The following ASAP1 variants were observed in gnomAD, a reference collection of about 807,000 sequenced individuals.
ASAP1 encodes arf-GAP with SH3 domain, ANK repeat and PH domain-containing protein 1.
A neutral mutation model predicts 145.2 loss-of-function variants in ASAP1; 43 were observed. The ratio of observed to expected loss-of-function variants is 0.30; its 90% CI spans 0.23 to 0.38. ASAP1 has a LOEUF of 0.38. Among genes scored for constraint, ASAP1 ranks in the 10% least tolerant of loss-of-function variants. The pLI, the probability that ASAP1 is intolerant of heterozygous loss-of-function variation, is 1.00. For synonymous variants in ASAP1, 546 were observed against 515.5 expected (o/e 1.06, Z -0.80); for missense variants, 1,018 against 1,355.3 (o/e 0.75, Z 3.91).
rs748413991 is a variant in ASAP1, at chr8:130,137,027, T to C, written c.1092A>G (p.Gln364=). The C allele has an allele frequency of 6.8e-6, 11 of 1,614,118 alleles. No homozygotes were observed. Among genetic ancestry groups the C allele is most frequent in the Admixed American group, 6.7e-5 (4 of 60,012 alleles). The change falls in exon 14 of 30, where the codon CAA becomes CAG. Residue 364 remains glutamine (Q), a synonymous_variant. Coordinates refer to ENST00000518721, the MANE Select transcript of ASAP1 (RefSeq NM_018482.4). ...AGGTGAGAAGGTTCAACTTGGCTGG[T>C]TGCCTGTTAGACTGGAAAAAAAGAG... ...LTISHATSNR[Q]PAKLNLLTCQ...
At chr8:130,193,025 T>A (rs937408538) in intron 5 of ASAP1, among the ~76,000 whole-genome samples, 1 of 152,140 alleles carries the variant, frequency 6.6e-6, no homozygotes, top group Non-Finnish European at 1.5e-5. Flanking sequence ...GATAAATATT[T>A]ATGTGATAAA....
chr8:130,251,399 TAG>T (rs1819190320), intron 3 of ASAP1, among the ~76,000 whole-genome samples: 2 of 152,134 alleles, frequency 1.3e-5, no homozygotes, highest in South Asian at 4.1e-4. Flanking sequence ...GCCTGGGCGA[TAG>T]AGTGAGACTC....
At chr8:130,164,077 C>G (rs982651567) in intron 11 of ASAP1, among the ~76,000 whole-genome samples, 2 of 152,086 alleles carry the variant, frequency 1.3e-5, no homozygotes, top group Non-Finnish European at 2.9e-5. Context: ...GCAAAAGATT[C>G]CTTCTGTTTC....
At chr8:130,308,196 C>T (rs1823111098) in intron 3 of ASAP1, among the ~76,000 whole-genome samples, 1 of 152,134 alleles carries the variant, frequency 6.6e-6, no homozygotes, top group South Asian at 2.1e-4. Context: ...ATTCTATAAG[C>T]TAAGATTTTC....
At chr8:130,096,095 G>C (rs2097517242) in intron 24 of ASAP1, among the ~76,000 whole-genome samples, 1 of 152,152 alleles carries the variant, frequency 6.6e-6, no homozygotes, top group Non-Finnish European at 1.5e-5. Flanking sequence ...TGTAGTAGAA[G>C]CTACAGAAAG....
chr8:130,356,578 G>T (rs1041524057), intron 3 of ASAP1, among the ~76,000 whole-genome samples: 2 of 152,086 alleles, frequency 1.3e-5, no homozygotes, highest in Non-Finnish European at 2.9e-5. Flanking sequence ...TTTACCTCTG[G>T]TTTTCAAACA....
intron 27 of ASAP1, among the ~76,000 whole-genome samples, 173 bp from the exon 28 acceptor site, chr8:130,061,242 A>G (rs2135064292): frequency 6.6e-6 from 1 of 152,310 alleles, no homozygotes; most frequent in Non-Finnish European, 1.5e-5. Flanking sequence ...AAAGTTTGAA[A>G]GCCTGGAAAG....
intron 3 of ASAP1, among the ~76,000 whole-genome samples, chr8:130,284,885 CT>C (rs1821508025): frequency 8.4e-6 from 1 of 118,786 alleles, no homozygotes; most frequent in Non-Finnish European, 1.9e-5. Context: ...ACACACCATA[CT>C]GAGAGAGAGA....
chr8:130,429,292 G>T (rs914704649), intron 1 of ASAP1, among the ~76,000 whole-genome samples: 1 of 152,124 alleles, frequency 6.6e-6, no homozygotes, highest in Non-Finnish European at 1.5e-5. Context: ...AATTCAACCT[G>T]TAACAGTCAT....
chr8:130,144,560 T>C (rs2097622516), intron 13 of ASAP1, among the ~76,000 whole-genome samples: 1 of 152,214 alleles, frequency 6.6e-6, no homozygotes, highest in South Asian at 2.1e-4. Context: ...AGTCAAAATA[T>C]AGCTTTACTG....
chr8:130,141,283 G>A (rs2097610362), intron 13 of ASAP1, among the ~76,000 whole-genome samples: 1 of 151,894 alleles, frequency 6.6e-6, no homozygotes, highest in East Asian at 1.9e-4. Context: ...GGCACCAATC[G>A]CAGGCCCCTT....
At chr8:130,413,331 C>T (rs1829343562) in intron 1 of ASAP1, among the ~76,000 whole-genome samples, 1 of 152,190 alleles carries the variant, frequency 6.6e-6, no homozygotes, top group South Asian at 2.1e-4. Context: ...AGGAGTAGGT[C>T]CAATTAACAT....
intron 3 of ASAP1, among the ~76,000 whole-genome samples, chr8:130,304,357 T>A (rs112807694): frequency 0.016 from 2,501 of 152,298 alleles, 69 homozygotes; most frequent in African/African-American, 0.055. Context: ...TCTTTGAAAG[T>A]CTGACACATT....
At chr8:130,256,868 T>C (rs1819600662) in intron 3 of ASAP1, among the ~76,000 whole-genome samples, 1 of 148,876 alleles carries the variant, frequency 6.7e-6, no homozygotes, top group Admixed American at 6.7e-5. Context: ...CCTTTGAAAG[T>C]TTTATTTAAT....
intron 18 of ASAP1, among the ~76,000 whole-genome samples, chr8:130,121,901 GT>G (rs2097566849): frequency 6.6e-6 from 1 of 150,386 alleles, no homozygotes; most frequent in Admixed American, 6.6e-5. Flanking sequence ...TCCCCAGGCA[GT>G]CCATGACCTA....
chr8:130,228,656 A>G lies in ASAP1; in HGVS notation c.259+8266T>C, dbSNP rs537050982. 3.3e-5 allele frequency among the ~76,000 whole-genome samples: 5 copies of G among 151,404 alleles called. No individual in the cohort carries two copies. In the South Asian group the frequency reaches 1.0e-3, roughly 32 times the overall value. ...GGCGAGGCTGAAGTGAGCCAAGATC[A>G]TGCCATCGCACTCCAGCCTGGGCAA... On this transcript the variant is annotated intron_variant, in intron 4 of 29. Coordinates refer to ENST00000518721, the MANE Select transcript of ASAP1 (RefSeq NM_018482.4).
At chr8:130,276,071 C>G (rs76016344) in intron 3 of ASAP1, among the ~76,000 whole-genome samples, 4,003 of 152,190 alleles carry the variant, frequency 0.026, 62 homozygotes, top group Middle Eastern at 0.044. Flanking sequence ...AAAGATTCAG[C>G]CCAGTTCCAT....
chr8:130,378,219 C>T (rs1827595148), intron 2 of ASAP1, among the ~76,000 whole-genome samples: 1 of 152,202 alleles, frequency 6.6e-6, no homozygotes, highest in African/African-American at 2.4e-5. Context: ...ACGAGAGTGC[C>T]TCAATGCTGA....
chr8:130,259,224 G>C (rs1056132551), intron 3 of ASAP1, among the ~76,000 whole-genome samples: 1 of 152,162 alleles, frequency 6.6e-6, no homozygotes, highest in African/African-American at 2.4e-5. Context: ...CTAAATATCA[G>C]AGAATTTCCC....
Sources: gnomAD v4.1 joint callset for allele counts (sites outside exome capture counted in the v4.1 genomes callset) on GRCh38, gnomAD v4.1.1 for gene constraint, MANE v1.5 for transcripts, NCBI Gene and HGNC (gene_info 2026-07-23, HGNC 2026-07-21) for gene names.